The following PVALB variants were observed in gnomAD, a reference collection of about 807,000 sequenced individuals.
PVALB encodes parvalbumin.
Under a neutral mutation model 10.9 loss-of-function variants are expected in PVALB, and 11 were observed. The ratio of observed to expected loss-of-function variants is 1.01; its 90% confidence interval spans 0.63 to 1.67. The LOEUF (loss-of-function observed/expected upper bound fraction) is 1.67, where lower values mean the gene tolerates loss of function less well. PVALB is among the 40% of genes most tolerant of loss of function. The probability of loss-of-function intolerance (pLI) is 0.00; values close to 1 mark genes in which losing one functional copy is unlikely to be tolerated. For synonymous variants in PVALB, 57 were observed against 50.7 expected, an observed-to-expected ratio of 1.12 and a Z score of -0.53; for missense variants, 131 against 136.2, an observed-to-expected ratio of 0.96 and a Z score of 0.19.
chr22:36,805,195 G>A (rs1938930899), intron 3 of PVALB, among the ~76,000 whole-genome samples: 1 of 152,286 alleles, frequency 6.6e-6, no homozygotes, highest in South Asian at 2.1e-4. Context: ...CAAGCAAGCT[G>A]GGGGTAACTC....
chr22:36,814,914 G>C (rs571429637), intron 2 of PVALB, among the ~76,000 whole-genome samples, 189 bp downstream of exon 2: 2 of 152,210 alleles, frequency 1.3e-5, no homozygotes, highest in East Asian at 3.9e-4. Flanking sequence ...TTACTCTTCC[G>C]AAGCAATAGC....
chr22:36,814,602 TCTC>T (rs1939106362), intron 2 of PVALB, among the ~76,000 whole-genome samples: 1 of 152,062 alleles, frequency 6.6e-6, no homozygotes, highest in East Asian at 1.9e-4. Context: ...GCCTTCTCCT[TCTC>T]TGCTTTTCTC....
chr22:36,813,415 A>C, intron 3 of PVALB: 1 of 501,584 alleles, frequency 2.0e-6, no homozygotes, highest in Non-Finnish European at 3.6e-6. Context: ...CAGCAGGAAA[A>C]ACAGAATCTA....
At position 36,800,736 on chromosome 22, in the gene PVALB, T is replaced by C; in HGVS notation, c.*154A>G. 1 of 842,118 alleles carries C rather than the reference T, an allele frequency of 1.2e-6. No homozygotes were observed. The highest frequency in any genetic ancestry group is 2.0e-6 in the Non-Finnish European group (1 of 504,446). 52.2% of individuals were successfully genotyped at this position (842,118 alleles called of 1,614,324 possible). On this transcript the variant is annotated 3_prime_UTR_variant, in exon 4 of 4. Transcript: ENST00000417718. Reference sequence around the variant, plus strand: ...ACAACCTTTATTGCTTCTCCAGCATTTTCCAGAAGAATGGTGTCATTAGAG... The same window carrying C: ...ACAACCTTTATTGCTTCTCCAGCATCTTCCAGAAGAATGGTGTCATTAGAG...
At chr22:36,807,990 A>G (rs1156973704) in intron 3 of PVALB, among the ~76,000 whole-genome samples, 1 of 152,192 alleles carries the variant, frequency 6.6e-6, no homozygotes, top group Non-Finnish European at 1.5e-5. Context: ...GCAAACCCCA[A>G]ACTCTTGAGT....
intron 3 of PVALB, among the ~76,000 whole-genome samples, chr22:36,809,054 C>T (rs1939006778): frequency 6.6e-6 from 1 of 152,156 alleles, no homozygotes. Flanking sequence ...ACAGGATCTT[C>T]AAGAAACTGA....
intron 3 of PVALB, among the ~76,000 whole-genome samples, chr22:36,812,769 C>T (rs1272960637): frequency 2.0e-5 from 3 of 152,232 alleles, no homozygotes; most frequent in African/African-American, 4.8e-5. Flanking sequence ...ATGTTGCAAA[C>T]ACTCATTCAG....
intron 3 of PVALB, among the ~76,000 whole-genome samples, chr22:36,808,883 C>A (rs1314671081): frequency 6.6e-6 from 1 of 152,174 alleles, no homozygotes; most frequent in Non-Finnish European, 1.5e-5. Flanking sequence ...CAGCCTTAAG[C>A]CCTCCCCATG....
Position 36,802,378 on chromosome 22 carries a change from G to A in PVALB, c.305-1460C>T, listed in dbSNP as rs535226926. Among the ~76,000 whole-genome samples the A allele has an allele frequency of 1.6e-3, 241 of 151,762 alleles. 1 individual carries two copies. Among genetic ancestry groups the A allele is most frequent in the African/African-American group, 5.4e-3 (224 of 41,344 alleles). ...AGCACTTTGGGAGGCTGAGGTGGGC[G>A]GATCACGAGGTCAAGAGATCGAGAC... is the stretch of plus-strand genomic sequence containing the variant. On this transcript the variant is annotated intron_variant, in intron 3 of 3. Coordinates refer to ENST00000417718, the MANE Select transcript of PVALB (RefSeq NM_001315532.2).
chr22:36,814,799 A>C (rs547909457), intron 2 of PVALB, among the ~76,000 whole-genome samples: 1 of 152,200 alleles, frequency 6.6e-6, no homozygotes, highest in Non-Finnish European at 1.5e-5. Context: ...AGGCAGCAAG[A>C]AAACTGCCTC....
chr22:36,816,155 C>A (rs1416040717), intron 1 of PVALB, among the ~76,000 whole-genome samples: 3 of 152,178 alleles, frequency 2.0e-5, no homozygotes, highest in African/African-American at 7.2e-5. Flanking sequence ...CCACCTCCGA[C>A]ACTAGGCTGG....
chr22:36,817,131 G>C, upstream of PVALB: 2 of 828,152 alleles, frequency 2.4e-6, no homozygotes, highest in East Asian at 6.7e-5. Flanking sequence ...GGCCTGGCAT[G>C]GCGCCAGGGG....
chr22:36,804,595 C>T (rs911500703), intron 3 of PVALB, among the ~76,000 whole-genome samples: 1 of 152,210 alleles, frequency 6.6e-6, no homozygotes, highest in Admixed American at 6.5e-5. Context: ...GAACAGGTCT[C>T]CTAGCCAAAC....
intron 1 of PVALB, 22 bp downstream of exon 1, chr22:36,816,923 G>A (rs768783549): frequency 1.3e-6 from 2 of 1,591,018 alleles, no homozygotes; most frequent in African/African-American, 2.7e-5. Flanking sequence ...AGAGGGATGG[G>A]GAGGGGAGCG....
upstream of PVALB, chr22:36,819,399 T>G (rs946834527): frequency 6.6e-6 from 1 of 152,164 alleles, no homozygotes; most frequent in African/African-American, 2.4e-5. Context: ...GCTGCATCCC[T>G]CTATCCTCCA....
At chr22:36,817,939 A>G (rs549804697), upstream of PVALB, among the ~76,000 whole-genome samples, 1 of 152,094 alleles carries the variant, frequency 6.6e-6, no homozygotes, top group Non-Finnish European at 1.5e-5. Context: ...GCACCTTCAG[A>G]CCACACTTTC....
intron 1 of PVALB, chr22:36,815,477 G>A (rs560572291): frequency 2.6e-5 from 14 of 541,156 alleles, no homozygotes; most frequent in South Asian, 1.2e-4. Flanking sequence ...TCTCAAGCCC[G>A]CCCCCACGCC....
At chr22:36,806,720 G>A (rs900611351) in intron 3 of PVALB, among the ~76,000 whole-genome samples, 3 of 152,306 alleles carry the variant, frequency 2.0e-5, no homozygotes, top group African/African-American at 7.2e-5. Flanking sequence ...AGGAGGCCGC[G>A]TCAACAGTTC....
At chr22:36,815,317 T>C in intron 1 of PVALB, 82 bp from the exon 2 acceptor site, 1 of 1,548,542 alleles carries the variant, frequency 6.5e-7, no homozygotes, top group South Asian at 1.1e-5. Flanking sequence ...TCAAGGCATT[T>C]GTTGATGGAT....
Sources: gnomAD v4.1 joint callset for allele counts (sites outside exome capture counted in the v4.1 genomes callset) on GRCh38, gnomAD v4.1.1 for gene constraint, MANE v1.5 for transcripts, NCBI Gene and HGNC (gene_info 2026-07-23, HGNC 2026-07-21) for gene names.